The following ZMYM4 variants were observed in gnomAD, a reference collection of about 807,000 sequenced individuals.
ZMYM4 encodes zinc finger MYM-type protein 4.
ZMYM4 carries 31 observed loss-of-function variants against 183.2 expected under a neutral mutation model. The ratio of observed to expected loss-of-function variants is 0.17; its 90% CI spans 0.13 to 0.23. The LOEUF is 0.23. Among genes scored for constraint, ZMYM4 ranks in the 10% least tolerant of loss-of-function variants. ZMYM4 has a pLI of 1.00. For missense variants in ZMYM4, 1,273 were observed against 1,840.3 expected, an observed-to-expected ratio of 0.69 and a Z score of 5.64; for synonymous variants, 592 against 631.2, an observed-to-expected ratio of 0.94 and a Z score of 0.93.
intron 1 of ZMYM4, among the ~76,000 whole-genome samples, chr1:35,282,999 TTTTTTTTTTTTTTTTTTG>T: frequency 8.9e-6 from 1 of 112,648 alleles, no homozygotes; most frequent in Non-Finnish European, 1.9e-5. Context: ...TTTTTTTTTT[TTTTTTTTTTTTTTTTTTG>T]AGACAGAGTG....
In ZMYM4 at chr1:35,371,312, T is replaced by C. The variant is rs575632388; in HGVS notation, c.1181+685T>C. ...TTCTATGTTTTAGTAGAGACGGGCTTTCTCTGTGTTAGCCAGGATGGTCTC... is the reference window on the plus strand; with the variant it reads ...TTCTATGTTTTAGTAGAGACGGGCTCTCTCTGTGTTAGCCAGGATGGTCTC... On this transcript the variant is annotated intron_variant, in intron 7 of 29. Coordinates refer to ENST00000314607, the MANE Select transcript of ZMYM4 (RefSeq NM_005095.3). Among the ~76,000 whole-genome samples, 6 of 152,158 alleles carry C rather than the reference T, an allele frequency of 3.9e-5. No individual in the cohort carries two copies. In the South Asian group the frequency reaches 1.0e-3, roughly 26 times the overall value.
chr1:35,337,539 G>T (rs1643024448), intron 2 of ZMYM4, among the ~76,000 whole-genome samples: 1 of 152,082 alleles, frequency 6.6e-6, no homozygotes, highest in African/African-American at 2.4e-5. Context: ...AGGTCTCTAG[G>T]GCAGAGGTTG....
chr1:35,312,596 T>C (rs1256916520), intron 1 of ZMYM4, among the ~76,000 whole-genome samples: 1 of 152,214 alleles, frequency 6.6e-6, no homozygotes, highest in East Asian at 1.9e-4. Context: ...TAGTACTTTT[T>C]TTATTGTTTA....
chr1:35,384,506 A>G (rs1426603862), intron 9 of ZMYM4, among the ~76,000 whole-genome samples: 1 of 152,102 alleles, frequency 6.6e-6, no homozygotes, highest in African/African-American at 2.4e-5. Flanking sequence ...CTGAATCCCT[A>G]ATTGGGTGAA....
chr1:35,359,157 T>C lies in ZMYM4; in HGVS notation c.318T>C (p.His106=). 1 of 1,613,708 alleles carries C rather than the reference T, an allele frequency of 6.2e-7. No individual in the cohort carries two copies. The highest frequency in any genetic ancestry group is 1.3e-5 in the African/African-American group (1 of 75,034). ...SSKDNLVSSI[H]TDDSLEVERR... ...AGGACAATCTTGTTTCTTCAATTCA[T>C]ACTGATGATAGCTTGGAAGTAGAGA... is the stretch of plus-strand genomic sequence containing the variant. Residue 106 remains histidine (H), a synonymous_variant, in exon 3 of 30, where the codon CAT becomes CAC. Coordinates refer to ENST00000314607, the MANE Select transcript of ZMYM4 (RefSeq NM_005095.3).
intron 23 of ZMYM4, chr1:35,400,159 G>A (rs570217020): frequency 7.3e-6 from 1 of 136,080 alleles, no homozygotes; most frequent in East Asian, 2.1e-4. Flanking sequence ...AAAAAAAAAA[G>A]TAATAATAAA....
rs2149026282 is a variant in ZMYM4, at chr1:35,405,572, A to G, written c.3796+104A>G. The G allele has an allele frequency of 3.2e-6, 3 of 923,670 alleles. No individual in the cohort carries two copies. The South Asian group carries it at 6.7e-5, about 21-fold the overall frequency. The allele number at this position is 923,670 out of a possible 1,614,324, so 57.2% of individuals were successfully genotyped here. On this transcript the variant is annotated intron_variant, in intron 25 of 29. Transcript: ENST00000314607. ...AAATTATTTAAAATTTAGAGTATTA[A>G]GGTTAGAAAGAGAAATTAATCTTAT...
intron 5 of ZMYM4, among the ~76,000 whole-genome samples, chr1:35,367,138 T>C (rs768358181): frequency 6.6e-6 from 1 of 152,138 alleles, no homozygotes; most frequent in Non-Finnish European, 1.5e-5. Flanking sequence ...CACACACTTA[T>C]TACACATATA....
At chr1:35,287,049 T>C (rs2148705903) in intron 1 of ZMYM4, among the ~76,000 whole-genome samples, 1 of 152,128 alleles carries the variant, frequency 6.6e-6, no homozygotes, top group East Asian at 1.9e-4. Flanking sequence ...GATCTTTATT[T>C]GACCTTTCTT....
At chr1:35,391,107 A>G (rs1489386868) in intron 15 of ZMYM4, among the ~76,000 whole-genome samples, 1 of 152,226 alleles carries the variant, frequency 6.6e-6, no homozygotes, top group Non-Finnish European at 1.5e-5. Context: ...GCTGTAAAGG[A>G]ATTTACCAAG....
intron 1 of ZMYM4, among the ~76,000 whole-genome samples, chr1:35,322,414 CTTTTA>C (rs1343158948): frequency 6.6e-6 from 1 of 151,274 alleles, no homozygotes; most frequent in Non-Finnish European, 1.5e-5. Context: ...TCTTCTAGGG[CTTTTA>C]TTTTTTTTTC....
Position 35,325,484 on chromosome 1 carries a change from AC to A in ZMYM4, c.85+80del. On this transcript the variant is annotated intron_variant, in intron 2 of 29. Coordinates refer to ENST00000314607, the MANE Select transcript of ZMYM4 (RefSeq NM_005095.3). ...AATCTAGATGTGGTATTTAACTATT[AC>A]AGTGTTTAGTTAGGGCTGATTTATG... The A allele has an allele frequency of 2.1e-6, 3 of 1,427,974 alleles. No individual in the cohort carries two copies. In the South Asian group the frequency reaches 4.0e-5, roughly 19 times the overall value. 88.5% of individuals were successfully genotyped at this position (1,427,974 alleles called of 1,614,324 possible). A position where few individuals can be genotyped will look rare whatever the true frequency, so the allele number is the denominator to read the frequency against.
chr1:35,352,529 T>A (rs530537897), intron 2 of ZMYM4, among the ~76,000 whole-genome samples: 1 of 152,144 alleles, frequency 6.6e-6, no homozygotes, highest in African/African-American at 2.4e-5. Context: ...TCTCAGGTTA[T>A]CTCCTCTCAA....
Position 35,405,427 on chromosome 1 carries a change from A to ATTT in ZMYM4, c.3755_3756insTTT (p.Asp1252_His1253insPhe), listed in dbSNP as rs758172937. The ATTT allele has an allele frequency of 6.2e-7, 1 of 1,613,180 alleles. No individual in the cohort carries two copies. Among genetic ancestry groups the ATTT allele is most frequent in the South Asian group, 1.1e-5 (1 of 90,840 alleles). On this transcript the variant is annotated inframe_insertion, in exon 25 of 30. Transcript: ENST00000314607. ...TCTGACCCCTTAGGAAGTACTCAAG[A>ATTT]CCATGCACTCTCTCAAGAATCCTCA...
chr1:35,321,319 G>C (rs965262459), intron 1 of ZMYM4, among the ~76,000 whole-genome samples: 2 of 152,076 alleles, frequency 1.3e-5, no homozygotes, highest in Non-Finnish European at 2.9e-5. Flanking sequence ...AGCAGCTTTA[G>C]CTTGAAGCTG....
rs146569430 is a variant in ZMYM4, at chr1:35,379,965, AT to A, written c.1182-1293del. Among the ~76,000 whole-genome samples the A allele has an allele frequency of 5.2e-3, 792 of 152,322 alleles. 4 individuals are homozygous for A. Among genetic ancestry groups the A allele is most frequent in the African/African-American group, 0.018 (757 of 41,576 alleles). On this transcript the variant is annotated intron_variant, in intron 7 of 29. Transcript: ENST00000314607. ...GTGTTCACTAATCATAGAAAAACAG[AT>A]ATTATAGTAGCAAAAACGTTTGAAA...
rs2149055494 is a variant in ZMYM4 at position 35,421,066 on chromosome 1, G to GATA, written c.*1390_*1391insTAA. On this transcript the variant is annotated 3_prime_UTR_variant, in exon 30 of 30. Coordinates refer to ENST00000314607, the MANE Select transcript of ZMYM4 (RefSeq NM_005095.3). Reference sequence around the variant, plus strand: ...GAACTTCTTCAGCTAAGGTTAATTTGACGCTATGATAAAACTGAGAGATGT... The same window carrying GATA: ...GAACTTCTTCAGCTAAGGTTAATTTGATAACGCTATGATAAAACTGAGAGATGT... 1 of 152,452 alleles carries GATA rather than the reference G, an allele frequency of 6.6e-6. No individual in the cohort carries two copies. The highest frequency in any genetic ancestry group is 2.4e-5 in the African/African-American group (1 of 41,550). 9.4% of individuals were successfully genotyped at this position (152,452 alleles called of 1,614,324 possible).
In ZMYM4 at chr1:35,419,533, G is replaced by A. The variant is rs150511558; in HGVS notation, c.4503G>A (p.Pro1501=). The part of the protein sequence containing the change: ...FYLQPERSCV[P]NSPMWYSTFP... The stretch of plus-strand genomic sequence containing the variant: ...TTCAACCTGAGCGCTCCTGTGTCCC[G>A]AATAGCCCCATGTGGTACTCCACAT... Residue 1501 remains proline, a synonymous_variant, in exon 30 of 30, where the codon CCG becomes CCA. Coordinates refer to ENST00000314607, the MANE Select transcript of ZMYM4 (RefSeq NM_005095.3). 66 of 1,613,598 alleles carry A rather than the reference G, an allele frequency of 4.1e-5. No individual in the cohort carries two copies. In the African/African-American group the frequency reaches 5.6e-4, roughly 14 times the overall value.
chr1:35,369,002 T>C (rs1053205314), intron 5 of ZMYM4, among the ~76,000 whole-genome samples: 3 of 152,226 alleles, frequency 2.0e-5, no homozygotes, highest in Admixed American at 1.3e-4. Context: ...ACCTGAGGCA[T>C]GTGCCTCACT....
Sources: allele counts gnomAD v4.1 joint callset (sites outside exome capture counted in the v4.1 genomes callset), GRCh38; gene constraint gnomAD v4.1.1; transcripts MANE v1.5; gene names NCBI Gene and HGNC (gene_info 2026-07-23, HGNC 2026-07-21).